NKAIN3: variants seen among roughly 807,000 people sequenced by gnomAD.
NKAIN3 encodes the protein sodium/potassium transporting ATPase interacting 3, also known as sodium/potassium-transporting ATPase subunit beta-1-interacting protein 3.
Under a neutral mutation model 30.2 loss-of-function variants are expected in NKAIN3, and 25 were observed. The ratio of observed to expected loss-of-function variants is 0.83; its 90% CI spans 0.60 to 1.16. The LOEUF is 1.16. Among genes scored for constraint, NKAIN3 ranks in the 50% most tolerant of loss-of-function variants. The pLI is 0.00. For synonymous variants in NKAIN3, 91 were observed against 89.6 expected (o/e 1.02, Z -0.09); for missense variants, 225 against 254.1 (o/e 0.89, Z 0.78).
intron 3 of NKAIN3, among the ~76,000 whole-genome samples, chr8:62,679,234 C>T (rs73264868): frequency 0.012 from 1,869 of 152,248 alleles, 32 homozygotes; most frequent in African/African-American, 0.042. Flanking sequence ...AAATGGGAAC[C>T]TTGGAAACTG....
intron 3 of NKAIN3, among the ~76,000 whole-genome samples, chr8:62,726,269 C>T (rs1054220802): frequency 8.6e-5 from 13 of 151,982 alleles, no homozygotes; most frequent in East Asian, 5.8e-4. Context: ...ATTGCAAACA[C>T]GCATAACTTT....
At chr8:62,997,600 C>A (rs544629273) in intron 5 of NKAIN3, among the ~76,000 whole-genome samples, 29 of 152,196 alleles carry the variant, frequency 1.9e-4, no homozygotes, top group African/African-American at 6.5e-4. Context: ...TTCAGATCCA[C>A]CAGCTGTAAA....
rs1563534926 is a variant in NKAIN3 at position 62,729,036 on chromosome 8, A to AAT, written c.274-17895_274-17894insTA. Among the ~76,000 whole-genome samples, 66 of 104,906 alleles carry AAT rather than the reference A, an allele frequency of 6.3e-4. 1 individual carries two copies. Among genetic ancestry groups the AAT allele is most frequent in the African/African-American group, 2.6e-3 (61 of 23,254 alleles). The allele number at this position is 104,906 out of a possible 152,430, so 68.8% of individuals were successfully genotyped here. On this transcript the variant is annotated intron_variant, in intron 3 of 6. Coordinates refer to ENST00000623646, the MANE Select transcript of NKAIN3 (RefSeq NM_001304533.3). ...AAAACAAACAAACCAAAAAAAAAAA[A>AAT]AAACAAAAAAAAAAAACCTCCTGCT...
chr8:62,648,248 C>G (rs1444437313), intron 3 of NKAIN3, among the ~76,000 whole-genome samples: 2 of 150,504 alleles, frequency 1.3e-5, no homozygotes, highest in Non-Finnish European at 3.0e-5. Flanking sequence ...CAGAGAGGAA[C>G]CTGGGATAGA....
At chr8:62,908,952 C>T (rs1214751091) in intron 4 of NKAIN3, among the ~76,000 whole-genome samples, 2 of 152,148 alleles carry the variant, frequency 1.3e-5, no homozygotes, top group Non-Finnish European at 2.9e-5. Context: ...ATTCTTCTGC[C>T]TTTCTTCAAG....
At chr8:62,813,670 G>A (rs1198605907) in intron 4 of NKAIN3, among the ~76,000 whole-genome samples, 2 of 151,704 alleles carry the variant, frequency 1.3e-5, no homozygotes, top group East Asian at 1.9e-4. Flanking sequence ...ACTCTTGTTT[G>A]TGTTTGTGAT....
chr8:62,317,658 A>G (rs1279698457), intron 1 of NKAIN3, among the ~76,000 whole-genome samples: 1 of 152,148 alleles, frequency 6.6e-6, no homozygotes, highest in African/African-American at 2.4e-5. Flanking sequence ...TACCAGCACC[A>G]TGCTGTTTTG....
chr8:62,274,084 G>A (rs1378879592), intron 1 of NKAIN3, among the ~76,000 whole-genome samples: 1 of 152,136 alleles, frequency 6.6e-6, no homozygotes, highest in Admixed American at 6.6e-5. Context: ...GAATTCGTGG[G>A]TTTATTTGAT....
chr8:62,990,167 G>C, intron 5 of NKAIN3: 1 of 1,252,830 alleles, frequency 8.0e-7, no homozygotes, highest in Non-Finnish European at 1.1e-6. Flanking sequence ...TTTATTCTCA[G>C]ATTCATGTGA....
chr8:62,746,079 GA>G (rs1401521082), intron 3 of NKAIN3, among the ~76,000 whole-genome samples: 1 of 152,204 alleles, frequency 6.6e-6, no homozygotes, highest in Non-Finnish European at 1.5e-5. Context: ...CCAGAAGTCT[GA>G]AATCAGCTTC....
intron 4 of NKAIN3, among the ~76,000 whole-genome samples, chr8:62,906,950 C>CA (rs1821795403): frequency 6.6e-6 from 1 of 152,068 alleles, no homozygotes; most frequent in Non-Finnish European, 1.5e-5. Flanking sequence ...AGGTAACAGG[C>CA]AGAGAGTGGA....
In NKAIN3 at chr8:62,969,637, T is replaced by C. The variant is rs1823789804; in HGVS notation, c.*4230T>C. On this transcript the variant is annotated 3_prime_UTR_variant, in exon 7 of 7. Coordinates refer to ENST00000623646, the MANE Select transcript of NKAIN3 (RefSeq NM_001304533.3). The stretch of plus-strand genomic sequence containing the variant: ...ACTTGACATTTTTGCCCAAGATACG[T>C]TCTTTCCAGGTATAGCTGAATTAAG... 2.0e-5 allele frequency among the ~76,000 whole-genome samples: 3 copies of C among 152,214 alleles called. No individual in the cohort carries two copies. The highest frequency in any genetic ancestry group is 2.0e-4 in the Admixed American group (3 of 15,278).
At chr8:62,828,149 T>A (rs1013517885) in intron 4 of NKAIN3, among the ~76,000 whole-genome samples, 1 of 152,152 alleles carries the variant, frequency 6.6e-6, no homozygotes, top group African/African-American at 2.4e-5. Flanking sequence ...AAGCAGCCAG[T>A]CTGAAAAGAC....
intron 5 of NKAIN3, among the ~76,000 whole-genome samples, chr8:62,946,620 T>C (rs1823132046): frequency 6.6e-6 from 1 of 152,196 alleles, no homozygotes; most frequent in African/African-American, 2.4e-5. Flanking sequence ...GCTTTATCCT[T>C]ATGAATTTAT....
chr8:62,318,830 G>A (rs924827012), intron 1 of NKAIN3, among the ~76,000 whole-genome samples: 1 of 152,148 alleles, frequency 6.6e-6, no homozygotes, highest in Non-Finnish European at 1.5e-5. Flanking sequence ...TTTGGTATCA[G>A]GATGATGCTG....
intron 3 of NKAIN3, among the ~76,000 whole-genome samples, chr8:62,684,681 C>A (rs1223458392): frequency 6.6e-6 from 1 of 152,148 alleles, no homozygotes; most frequent in Non-Finnish European, 1.5e-5. Flanking sequence ...GCCCTAATCT[C>A]CAGTAGTTCA....
intron 1 of NKAIN3, among the ~76,000 whole-genome samples, chr8:62,493,732 G>A (rs2129640543): frequency 6.6e-6 from 1 of 152,154 alleles, no homozygotes; most frequent in Middle Eastern, 3.4e-3. Context: ...TCTCAATGTT[G>A]AGATCTTTTG....
chr8:62,250,414 C>A (rs1329375399), intron 1 of NKAIN3, among the ~76,000 whole-genome samples: 1 of 152,120 alleles, frequency 6.6e-6, no homozygotes, highest in African/African-American at 2.4e-5. Context: ...TTGAATCAAA[C>A]ATATTTTATA....
chr8:62,908,189 C>T (rs537265218), intron 4 of NKAIN3, among the ~76,000 whole-genome samples: 1 of 152,208 alleles, frequency 6.6e-6, no homozygotes, highest in South Asian at 2.1e-4. Flanking sequence ...TTCCAAGGGG[C>T]CTGTAGCTCC....
Sources: allele counts gnomAD v4.1 joint callset (sites outside exome capture counted in the v4.1 genomes callset), GRCh38; gene constraint gnomAD v4.1.1; transcripts MANE v1.5; gene names NCBI Gene and HGNC (gene_info 2026-07-23, HGNC 2026-07-21).